PARP4: variants seen among roughly 807,000 people sequenced by gnomAD.
The protein encoded by PARP4 is protein mono-ADP-ribosyltransferase PARP4.
Under a neutral mutation model 187.7 loss-of-function variants are expected in PARP4, and 120 were observed. That is an observed-to-expected ratio of 0.64 (90% CI 0.55 to 0.74). PARP4 has a LOEUF of 0.74. Among genes scored for constraint, PARP4 ranks in the 30% least tolerant of loss-of-function variants. The pLI is 0.00. For missense variants in PARP4, 1,836 were observed against 2,070.5 expected, an observed-to-expected ratio of 0.89 and a Z score of 2.20; for synonymous variants, 654 against 740.9, an observed-to-expected ratio of 0.88 and a Z score of 1.90.
At chr13:24,505,786 G>C (rs1010870794) in intron 1 of PARP4, among the ~76,000 whole-genome samples, 1 of 152,198 alleles carries the variant, frequency 6.6e-6, no homozygotes, top group Non-Finnish European at 1.5e-5. Context: ...CGTCTAACAG[G>C]CTCCCCGCAA....
intron 1 of PARP4, among the ~76,000 whole-genome samples, chr13:24,511,886 A>G (rs1200625358): frequency 6.6e-6 from 1 of 152,242 alleles, no homozygotes; most frequent in Non-Finnish European, 1.5e-5. Context: ...TTAAACCCTT[A>G]AACAACAAAG....
chr13:24,425,567 G>GTATATCTATATCTATATCTATATCTATA (rs573054189), intron 33 of PARP4, among the ~76,000 whole-genome samples: 1 of 142,308 alleles, frequency 7.0e-6, no homozygotes. Context: ...GTGTGTGTGT[G>GTATATCTATATCTATATCTATATCTATA]TGTATATCTA....
chr13:24,446,728 A>T lies in PARP4; in HGVS notation c.3319T>A (p.Phe1107Ile). The T allele has an allele frequency of 6.2e-7, 1 of 1,602,568 alleles. No homozygotes were observed. Residue 1107 changes from phenylalanine (F) to isoleucine (I), a missense_variant, in exon 27 of 34, where the codon TTT (phenylalanine) becomes ATT (isoleucine). Coordinates refer to ENST00000381989, the MANE Select transcript of PARP4 (RefSeq NM_006437.4). ...TCAGTAGTCGACACCATTGTACGAA[A>T]TTCTTTCTCTTGAATTAGTGCACAC... is the stretch of plus-strand genomic sequence containing the variant. ...TLCALIQEKE[F>I]RTMVSTTELQ...
At chr13:24,490,574 A>G in intron 10 of PARP4, 94 bp downstream of exon 10, 1 of 976,320 alleles carries the variant, frequency 1.0e-6, no homozygotes, top group Non-Finnish European at 1.6e-6. Context: ...TTGTTGCTGA[A>G]GATTATCTAG....
chr13:24,455,191 G>C lies in PARP4; in HGVS notation c.2584C>G (p.Pro862Ala), dbSNP rs1320738738. The C allele has an allele frequency of 1.3e-6, 2 of 1,594,114 alleles. No homozygotes were observed. Among genetic ancestry groups the C allele is most frequent in the Admixed American group, 3.4e-5 (2 of 59,542 alleles). Residue 862 changes from proline (P) to alanine (A), a missense_variant, in exon 22 of 34, where the codon CCC (proline) becomes GCC (alanine). This residue lies in a region of PARP4 where 1,147 missense variants were observed against 1,214.2 expected (regional missense o/e 0.94). Coordinates refer to ENST00000381989, the MANE Select transcript of PARP4 (RefSeq NM_006437.4). The stretch of plus-strand genomic sequence containing the variant: ...TCAGGGAGGTCGACATCGAGATCGG[G>C]TTGAAAGACAAGCATGCAAGCCTGA... ...ESEACMLVFQ[P>A]DLDVDLPDLA...
intron 32 of PARP4, among the ~76,000 whole-genome samples, chr13:24,430,648 T>C (rs1344261955): frequency 1.3e-5 from 2 of 151,908 alleles, no homozygotes; most frequent in Non-Finnish European, 1.5e-5. Flanking sequence ...AGCCAGATCT[T>C]GTCTCAAAAC....
chr13:24,490,325 G>A (rs1005850733), intron 10 of PARP4, among the ~76,000 whole-genome samples: 1 of 152,160 alleles, frequency 6.6e-6, no homozygotes, highest in Non-Finnish European at 1.5e-5. Flanking sequence ...CCACGTTAGA[G>A]ACGCCATACC....
chr13:24,443,857 G>C, intron 27 of PARP4, 127 bp from the exon 28 acceptor site: 1 of 668,040 alleles, frequency 1.5e-6, no homozygotes, highest in Middle Eastern at 2.5e-4. Flanking sequence ...TAAATACACA[G>C]TTTGATGAGT....
chr13:24,483,277 G>A (rs1197058322), intron 12 of PARP4, among the ~76,000 whole-genome samples: 1 of 151,400 alleles, frequency 6.6e-6, no homozygotes, highest in African/African-American at 2.4e-5. Flanking sequence ...ATGAGGTCAG[G>A]AGATCGAGAC....
intron 1 of PARP4, among the ~76,000 whole-genome samples, chr13:24,506,190 C>T (rs979600726): frequency 5.9e-5 from 9 of 152,174 alleles, no homozygotes; most frequent in African/African-American, 2.2e-4. Flanking sequence ...AGCCGCAGAC[C>T]CTCGCAGTGA....
chr13:24,490,859 A>C, intron 9 of PARP4, 31 bp from the exon 10 acceptor site: 2 of 1,566,064 alleles, frequency 1.3e-6, no homozygotes, highest in Non-Finnish European at 1.8e-6. Flanking sequence ...CAGATGTCAG[A>C]ATCACCACAT....
In PARP4 at chr13:24,480,807, C is replaced by T. The variant is rs1391234879; in HGVS notation, c.1449-2531G>A. Among the ~76,000 whole-genome samples the T allele has an allele frequency of 7.9e-5, 12 of 152,196 alleles. No homozygotes were observed. In the East Asian group the frequency reaches 1.7e-3, roughly 22 times the overall value. On this transcript the variant is annotated intron_variant, in intron 12 of 33. Coordinates refer to ENST00000381989, the MANE Select transcript of PARP4 (RefSeq NM_006437.4). The stretch of plus-strand genomic sequence containing the variant: ...TTAAGGAAAGAAGCCATCTCTATAA[C>T]GTAACAATGGAAGATGAACCAGCCA...
intron 1 of PARP4, among the ~76,000 whole-genome samples, chr13:24,506,434 T>A (rs1869687640): frequency 6.6e-6 from 1 of 152,032 alleles, no homozygotes; most frequent in Non-Finnish European, 1.5e-5. Context: ...TCGGGCAGCC[T>A]GCTTTTATTC....
At chr13:24,422,495 A>G (rs1382595375) in intron 33 of PARP4, among the ~76,000 whole-genome samples, 1 of 152,238 alleles carries the variant, frequency 6.6e-6, no homozygotes, top group East Asian at 1.9e-4. Flanking sequence ...TCCGCTAGCA[A>G]GAAAATCTTG....
chr13:24,467,764 T>C (rs1872544604), intron 17 of PARP4, among the ~76,000 whole-genome samples: 1 of 152,234 alleles, frequency 6.6e-6, no homozygotes, highest in Non-Finnish European at 1.5e-5. Flanking sequence ...GGCTGTTTTC[T>C]TGTGGACCCT....
intron 20 of PARP4, among the ~76,000 whole-genome samples, chr13:24,458,496 G>T (rs997996066): frequency 6.6e-6 from 1 of 151,832 alleles, no homozygotes; most frequent in African/African-American, 2.4e-5. Flanking sequence ...AGGGTTGTTT[G>T]ATCCAAGGAG....
In PARP4 at chr13:24,435,525, G is replaced by C. The variant is rs1200416718; in HGVS notation, c.3667-51C>G. The C allele has an allele frequency of 2.7e-6, 4 of 1,508,072 alleles. No homozygotes were observed. In the African/African-American group the frequency reaches 5.6e-5, roughly 21 times the overall value. The allele number at this position is 1,508,072 out of a possible 1,614,324, so 93.4% of individuals were successfully genotyped here. On this transcript the variant is annotated intron_variant, in intron 30 of 33. Transcript: ENST00000381989. ...GTAAGGGGAAAACACAGAATAAAAA[G>C]AACAATCAAGCAAACATTCTTCCTA...
At chr13:24,512,287 T>C (rs756068242) in intron 1 of PARP4, among the ~76,000 whole-genome samples, 1 of 152,220 alleles carries the variant, frequency 6.6e-6, no homozygotes, top group African/African-American at 2.4e-5. Context: ...GGTCAGATAG[T>C]ACTTCCTGAT....
intron 24 of PARP4, among the ~76,000 whole-genome samples, chr13:24,451,140 G>C (rs1871495806): frequency 6.6e-6 from 1 of 152,202 alleles, no homozygotes; most frequent in Non-Finnish European, 1.5e-5. Flanking sequence ...GGCCCTCACT[G>C]AGGAAGGCAT....
Sources: allele counts gnomAD v4.1 joint callset (sites outside exome capture counted in the v4.1 genomes callset), GRCh38; gene constraint gnomAD v4.1.1; regional missense constraint gnomAD v4.1.1; transcripts MANE v1.5; gene names NCBI Gene and HGNC (gene_info 2026-07-23, HGNC 2026-07-21).